Variants in SHC4 observed in about 807,000 individuals in gnomAD.
The protein encoded by SHC4 is SHC-transforming protein 4.
SHC4 carries 41 observed loss-of-function variants against 69.4 expected under a neutral mutation model. That is an observed-to-expected ratio of 0.59 (90% CI 0.46 to 0.77). The LOEUF (loss-of-function observed/expected upper bound fraction) is 0.77, where lower values mean the gene tolerates loss of function less well. SHC4 is among the 30% of genes least tolerant of loss of function. SHC4 has a pLI of 0.00. For synonymous variants in SHC4, 318 were observed against 299.3 expected (o/e 1.06, Z -0.64); for missense variants, 777 against 783.8 (o/e 0.99, Z 0.10).
intron 3 of SHC4, among the ~76,000 whole-genome samples, chr15:48,889,144 A>G (rs924772541): frequency 1.4e-4 from 21 of 152,208 alleles, no homozygotes; most frequent in Non-Finnish European, 2.4e-4. Flanking sequence ...TCCTTAAATG[A>G]GAATATCTTG....
intron 1 of SHC4, among the ~76,000 whole-genome samples, chr15:48,927,600 A>C (rs1266879522): frequency 4.0e-5 from 6 of 151,884 alleles, no homozygotes. Context: ...AAACCCCTAG[A>C]CCCTGGGGTT....
At chr15:48,836,854 A>T (rs1476201712) in intron 10 of SHC4, among the ~76,000 whole-genome samples, 2 of 152,238 alleles carry the variant, frequency 1.3e-5, no homozygotes, top group Non-Finnish European at 2.9e-5. Context: ...CTTTTAAAAA[A>T]TATCATTAAT....
At chr15:48,831,804 T>C (rs539915290) in intron 11 of SHC4, among the ~76,000 whole-genome samples, 1 of 152,378 alleles carries the variant, frequency 6.6e-6, no homozygotes, top group East Asian at 1.9e-4. Flanking sequence ...TGTTTTTCTA[T>C]ATATTTACCT....
intron 1 of SHC4, among the ~76,000 whole-genome samples, chr15:48,933,232 G>A (rs1901004358): frequency 6.6e-6 from 1 of 152,124 alleles, no homozygotes; most frequent in African/African-American, 2.4e-5. Flanking sequence ...AAAGAGGTCA[G>A]AAATCAGACT....
chr15:48,895,269 C>T (rs916086848), intron 2 of SHC4, among the ~76,000 whole-genome samples: 4 of 152,066 alleles, frequency 2.6e-5, no homozygotes, highest in Admixed American at 6.6e-5. Flanking sequence ...GTACAAATAA[C>T]GCAATTGACA....
intron 1 of SHC4, among the ~76,000 whole-genome samples, chr15:48,957,768 T>C (rs1399065439): frequency 6.6e-6 from 1 of 152,180 alleles, no homozygotes; most frequent in Non-Finnish European, 1.5e-5. Context: ...ATAGGGTCTT[T>C]GCAAATGTCA....
chr15:48,899,995 T>A (rs1900293466), intron 2 of SHC4, among the ~76,000 whole-genome samples: 1 of 152,180 alleles, frequency 6.6e-6, no homozygotes, highest in Non-Finnish European at 1.5e-5. Flanking sequence ...GGTTCTGTGC[T>A]CTATAGCTTA....
intron 1 of SHC4, among the ~76,000 whole-genome samples, chr15:48,942,286 G>A (rs185499994): frequency 1.3e-5 from 2 of 152,064 alleles, no homozygotes; most frequent in Non-Finnish European, 2.9e-5. Context: ...AGATCACCCC[G>A]CAGTACAAAG....
intron 9 of SHC4, among the ~76,000 whole-genome samples, chr15:48,847,385 AT>A (rs1240605050): frequency 6.6e-6 from 1 of 152,106 alleles, no homozygotes; most frequent in African/African-American, 2.4e-5. Flanking sequence ...ACATTATTCT[AT>A]TTTGCTAATT....
intron 2 of SHC4, among the ~76,000 whole-genome samples, chr15:48,899,540 C>A (rs1279680026): frequency 6.7e-6 from 1 of 150,194 alleles, no homozygotes; most frequent in Non-Finnish European, 1.5e-5. Flanking sequence ...TATTACTGAG[C>A]AAGACAGCAA....
At chr15:48,892,277 T>C (rs1567062975) in intron 2 of SHC4, among the ~76,000 whole-genome samples, 1 of 152,222 alleles carries the variant, frequency 6.6e-6, no homozygotes, top group African/African-American at 2.4e-5. Flanking sequence ...TTTGCACTTA[T>C]AATGTATGTT....
In SHC4 at chr15:48,825,660, G is replaced by A. The variant is rs541261552; in HGVS notation, c.*311C>T. The A allele has an allele frequency of 4.7e-5, 11 of 232,552 alleles. No homozygotes were observed. Among genetic ancestry groups the A allele is most frequent in the Admixed American group, 1.0e-4 (2 of 19,310 alleles). 14.4% of individuals were successfully genotyped at this position (232,552 alleles called of 1,614,324 possible). A position where few individuals can be genotyped will look rare whatever the true frequency, so the allele number is the denominator to read the frequency against. ...GCCCCAGCAGTTCATTCAAGTTGTCGTTAGCATGTGAAATTTTAGTTGTGC... is the reference window on the plus strand; with the variant it reads ...GCCCCAGCAGTTCATTCAAGTTGTCATTAGCATGTGAAATTTTAGTTGTGC... On this transcript the variant is annotated 3_prime_UTR_variant, in exon 12 of 12. Transcript: ENST00000332408.
At chr15:48,958,630 C>T (rs1444451770) in intron 1 of SHC4, among the ~76,000 whole-genome samples, 1 of 152,232 alleles carries the variant, frequency 6.6e-6, no homozygotes, top group Non-Finnish European at 1.5e-5. Flanking sequence ...TCATTAAATA[C>T]TGGTGCTGCG....
At position 48,962,611 on chromosome 15, in the gene SHC4, G is replaced by T; in HGVS notation, c.405C>A (p.Thr135=). 2.5e-6 allele frequency: 4 copies of T among 1,614,068 alleles called. No homozygotes were observed. Among genetic ancestry groups the T allele is most frequent in the Non-Finnish European group, 2.5e-6 (3 of 1,179,966 alleles). ...GTGCAGTCCCGGACCTACTTAAACTGGTTTCTGGGGAAGAGGGGCCGCTGG... is the reference window on the plus strand; with the variant it reads ...GTGCAGTCCCGGACCTACTTAAACTTGTTTCTGGGGAAGAGGGGCCGCTGG... ...PGSSGPSSPE[T]SLSRSGTAPP... Residue 135 remains threonine, a synonymous_variant, in exon 1 of 12, where the codon ACC becomes ACA. Coordinates refer to ENST00000332408, the MANE Select transcript of SHC4 (RefSeq NM_203349.4).
intron 2 of SHC4, among the ~76,000 whole-genome samples, chr15:48,918,998 G>A (rs746820209): frequency 6.6e-6 from 1 of 152,036 alleles, no homozygotes; most frequent in Admixed American, 6.6e-5. Context: ...AAGCCCCAGG[G>A]AAATAGTTCA....
At chr15:48,860,366 G>C (rs1226837973) in intron 6 of SHC4, among the ~76,000 whole-genome samples, 1 of 152,034 alleles carries the variant, frequency 6.6e-6, no homozygotes, top group Non-Finnish European at 1.5e-5. Context: ...AATTGGCTGG[G>C]CATGGTGGCA....
Position 48,843,425 on chromosome 15 carries a change from G to T in SHC4, c.1467C>A (p.Ser489Arg). ...GNQRSAQPLG[S>R]PWHCGKAPET... ...GCTACTTACTTCCGCAGTGCCATGGGCTCCCCAGTGGTTGGGCTGACCTTT... is the reference window on the plus strand; with the variant it reads ...GCTACTTACTTCCGCAGTGCCATGGTCTCCCCAGTGGTTGGGCTGACCTTT... The change falls in exon 10 of 12, where the codon AGC becomes AGA. Residue 489 changes from serine (S) to arginine (R), a missense_variant. Physicochemically the swap from Ser to Arg is moderately radical, Grantham distance 110 (BLOSUM62 -1). Transcript: ENST00000332408. 6.2e-7 allele frequency: 1 copy of T among 1,612,624 alleles called. No homozygotes were observed. The highest frequency in any genetic ancestry group is 1.3e-5 in the African/African-American group (1 of 75,006).
At chr15:48,836,480 G>A (rs1365222) in intron 10 of SHC4, among the ~76,000 whole-genome samples, 128,812 of 152,184 alleles carry the variant, frequency 0.85, 54,780 homozygotes, top group East Asian at 1. Flanking sequence ...AGGTTCTTAT[G>A]TCTGAAACTT....
At chr15:48,877,962 A>T in intron 4 of SHC4, 1 of 519,512 alleles carries the variant, frequency 1.9e-6, no homozygotes, top group Non-Finnish European at 3.3e-6. Flanking sequence ...GTTCGAATCG[A>T]TGGAAACGTA....
Sources: allele counts gnomAD v4.1 joint callset (sites outside exome capture counted in the v4.1 genomes callset), GRCh38; gene constraint gnomAD v4.1.1; transcripts MANE v1.5; gene names NCBI Gene and HGNC (gene_info 2026-07-23, HGNC 2026-07-21).